Variants in ELAPOR2 observed in about 807,000 individuals in gnomAD.
ELAPOR2 encodes endosome-lysosome associated apoptosis and autophagy regulator family member 2.
A neutral mutation model predicts 120.7 loss-of-function variants in ELAPOR2; 89 were observed. The observed-to-expected ratio is 0.74, with a 90% CI of 0.62 to 0.88. The LOEUF (loss-of-function observed/expected upper bound fraction) is 0.88. Ranked by LOEUF, ELAPOR2 falls within the 40% of genes least tolerant of loss-of-function variation. ELAPOR2 has a pLI of 0.00. For synonymous variants in ELAPOR2, 444 were observed against 444.9 expected (o/e 1.00, Z 0.03); for missense variants, 1,134 against 1,251.6 (o/e 0.91, Z 1.42).
chr7:86,977,992 T>C (rs1351969075), intron 1 of ELAPOR2, among the ~76,000 whole-genome samples: 2 of 152,214 alleles, frequency 1.3e-5, no homozygotes, highest in African/African-American at 2.4e-5. Context: ...TAATATGTCA[T>C]GGTCACTTCC....
At chr7:86,942,155 A>T in intron 4 of ELAPOR2, 51 bp from the exon 5 acceptor site, 1 of 1,071,474 alleles carries the variant, frequency 9.3e-7, no homozygotes, top group Non-Finnish European at 1.4e-6. Flanking sequence ...TAACAGCTTT[A>T]ATTAAATTCT....
chr7:87,023,418 G>A (rs963406028), intron 1 of ELAPOR2, among the ~76,000 whole-genome samples: 8 of 152,030 alleles, frequency 5.3e-5, no homozygotes, highest in African/African-American at 1.2e-4. Flanking sequence ...TGTTCCATTG[G>A]TCTATATCTC....
chr7:87,009,606 A>G (rs1195961276), intron 1 of ELAPOR2, among the ~76,000 whole-genome samples: 1 of 152,200 alleles, frequency 6.6e-6, no homozygotes, highest in East Asian at 1.9e-4. Context: ...CAAAAATAAA[A>G]TCAAGTAAGA....
At chr7:86,961,239 T>C (rs998528312) in intron 2 of ELAPOR2, among the ~76,000 whole-genome samples, 2 of 152,160 alleles carry the variant, frequency 1.3e-5, no homozygotes, top group Non-Finnish European at 2.9e-5. Flanking sequence ...ATTAAAGATA[T>C]CTTAATCATC....
intron 6 of ELAPOR2, among the ~76,000 whole-genome samples, chr7:86,939,756 C>T (rs1232694516): frequency 6.6e-6 from 1 of 152,012 alleles, no homozygotes; most frequent in Non-Finnish European, 1.5e-5. Flanking sequence ...TTTTTGTTTA[C>T]AGACATCTAA....
At chr7:86,910,073 T>G in intron 15 of ELAPOR2, 72 bp from the exon 16 acceptor site, 1 of 1,229,126 alleles carries the variant, frequency 8.1e-7, no homozygotes, top group Non-Finnish European at 1.1e-6. Context: ...GACTAGCTAG[T>G]GACCCTAGAA....
chr7:86,982,537 C>A (rs1045620835), intron 1 of ELAPOR2, among the ~76,000 whole-genome samples: 1 of 152,204 alleles, frequency 6.6e-6, no homozygotes, highest in Admixed American at 6.5e-5. Context: ...GATAACCAGG[C>A]CAACAGGGTC....
intron 2 of ELAPOR2, 91 bp from the exon 3 acceptor site, chr7:86,948,013 C>T (rs1791077319): frequency 1.2e-6 from 1 of 854,620 alleles, no homozygotes; most frequent in Admixed American, 2.6e-5. Context: ...TTATAAAACT[C>T]TGATTGTGCC....
At chr7:87,029,147 T>G (rs539654724) in intron 1 of ELAPOR2, among the ~76,000 whole-genome samples, 15 of 152,194 alleles carry the variant, frequency 9.9e-5, no homozygotes, top group Admixed American at 7.2e-4. Flanking sequence ...TATCTCTTTT[T>G]ACCATTTCAT....
At chr7:86,976,862 T>C (rs1792299293) in intron 1 of ELAPOR2, among the ~76,000 whole-genome samples, 1 of 152,136 alleles carries the variant, frequency 6.6e-6, no homozygotes, top group Non-Finnish European at 1.5e-5. Flanking sequence ...ATGTCACAAA[T>C]ATTAGATTCT....
intron 5 of ELAPOR2, 22 bp downstream of exon 5, chr7:86,941,996 A>G: frequency 6.9e-7 from 1 of 1,458,012 alleles, no homozygotes; most frequent in Non-Finnish European, 9.4e-7. Context: ...GGCAAAGAAG[A>G]AGGAAATACA....
chr7:87,030,688 C>T (rs1794397489), intron 1 of ELAPOR2, among the ~76,000 whole-genome samples: 1 of 152,140 alleles, frequency 6.6e-6, no homozygotes, highest in Non-Finnish European at 1.5e-5. Context: ...CTGCAGACAA[C>T]CAGAGGCTGA....
intron 18 of ELAPOR2, among the ~76,000 whole-genome samples, chr7:86,906,279 G>C (rs1370834910): frequency 6.6e-6 from 1 of 152,062 alleles, no homozygotes; most frequent in Non-Finnish European, 1.5e-5. Context: ...TTGTTGCCTT[G>C]GTTCTAGCTT....
At chr7:87,002,686 A>G (rs532314564) in intron 1 of ELAPOR2, among the ~76,000 whole-genome samples, 77 of 152,148 alleles carry the variant, frequency 5.1e-4, no homozygotes, top group Admixed American at 3.3e-3. Flanking sequence ...AAGCCCACCA[A>G]TGCCTCCCAC....
chr7:86,925,659 A>G lies in ELAPOR2; in HGVS notation c.1271-3T>C, dbSNP rs771320587. 7 of 1,611,120 alleles carry G rather than the reference A, an allele frequency of 4.3e-6. No individual in the cohort carries two copies. The highest frequency in any genetic ancestry group is 5.1e-6 in the Non-Finnish European group (6 of 1,178,056). On this transcript the variant is annotated splice_polypyrimidine_tract_variant and splice_region_variant and intron_variant, in intron 9 of 21. Transcript: ENST00000450689. ...TCCTGCTGGACATGGTCTACATTCT[A>G]CAGGAGACAAGTAGGGTCAACAATT...
At chr7:87,005,585 A>C (rs1314208147) in intron 1 of ELAPOR2, among the ~76,000 whole-genome samples, 2 of 152,194 alleles carry the variant, frequency 1.3e-5, no homozygotes, top group Non-Finnish European at 2.9e-5. Flanking sequence ...AATCAAAGCC[A>C]TATTTGTAAT....
chr7:87,059,287 C>G lies in ELAPOR2; in HGVS notation c.189+38G>C, dbSNP rs1277126532. ...TCAGCCTTCATCTTCCGCGCCCTCC[C>G]CCAGCAAACTCCAGGTAGAGGACCA... On this transcript the variant is annotated intron_variant, in intron 1 of 21. Transcript: ENST00000450689. The G allele has an allele frequency of 3.2e-6, 4 of 1,246,198 alleles. No homozygotes were observed. In the East Asian group the frequency reaches 1.3e-4, roughly 40 times the overall value. The allele number at this position is 1,246,198 out of a possible 1,614,324, so 77.2% of individuals were successfully genotyped here. A position where few individuals can be genotyped will look rare whatever the true frequency, so the allele number is the denominator to read the frequency against.
chr7:86,999,527 G>A (rs1793240935), intron 1 of ELAPOR2, among the ~76,000 whole-genome samples: 1 of 152,084 alleles, frequency 6.6e-6, no homozygotes, highest in Non-Finnish European at 1.5e-5. Flanking sequence ...GAATAAAAAT[G>A]ATTTGAAGTA....
intron 2 of ELAPOR2, 35 bp downstream of exon 2, chr7:86,964,869 T>C (rs1369082218): frequency 1.9e-6 from 3 of 1,550,430 alleles, no homozygotes; most frequent in Admixed American, 2.0e-5. Context: ...AATTGTTTAA[T>C]CAAGAAAACA....
Sources: gnomAD v4.1 joint callset for allele counts (sites outside exome capture counted in the v4.1 genomes callset) on GRCh38, gnomAD v4.1.1 for gene constraint, MANE v1.5 for transcripts, NCBI Gene and HGNC (gene_info 2026-07-23, HGNC 2026-07-21) for gene names.